The following BAALC variants were observed in gnomAD, a reference collection of about 807,000 sequenced individuals.
BAALC encodes BAALC binder of MAP3K1 and KLF4.
BAALC carries 9 observed loss-of-function variants against 15.5 expected under a neutral mutation model. The observed-to-expected ratio is 0.58, with a 90% CI of 0.35 to 1.02. The LOEUF is 1.02. BAALC is among the 50% of genes least tolerant of loss of function. The pLI is 0.02. For missense variants in BAALC, 201 were observed against 192.4 expected (o/e 1.04, Z -0.27); for synonymous variants, 80 against 74.6 (o/e 1.07, Z -0.37).
At chr8:103,149,999 A>G (rs1465308005) in intron 1 of BAALC, among the ~76,000 whole-genome samples, 1 of 152,124 alleles carries the variant, frequency 6.6e-6, no homozygotes, top group African/African-American at 2.4e-5. Flanking sequence ...CACACCTGAG[A>G]CTGGGTAATT....
chr8:103,149,381 A>T (rs528194557), intron 1 of BAALC, among the ~76,000 whole-genome samples: 19 of 152,340 alleles, frequency 1.2e-4, no homozygotes, highest in Non-Finnish European at 2.4e-4. Flanking sequence ...CAGTCACCTG[A>T]CAGGCCCATT....
At chr8:103,146,992 G>A (rs1239971522) in intron 1 of BAALC, among the ~76,000 whole-genome samples, 1 of 152,214 alleles carries the variant, frequency 6.6e-6, no homozygotes, top group Non-Finnish European at 1.5e-5. Flanking sequence ...TAGTTAGTCT[G>A]TGAGCTCTTC....
In BAALC at chr8:103,178,630, G is replaced by A. The variant is rs565077916; in HGVS notation, c.161-34289G>A. 3.4e-3 allele frequency among the ~76,000 whole-genome samples: 518 copies of A among 152,248 alleles called. 1 individual carries two copies. The highest frequency in any genetic ancestry group is 0.011 in the African/African-American group (451 of 41,558). On this transcript the variant is annotated intron_variant, in intron 1 of 2. Transcript: ENST00000309982. The stretch of plus-strand genomic sequence containing the variant: ...TCCCAGCACTTTGGGAGGCTGAGGT[G>A]GGCGGATCACAAGGTCAGAAGTTCA...
intron 1 of BAALC, among the ~76,000 whole-genome samples, chr8:103,155,504 G>T (rs1563636120): frequency 6.6e-6 from 1 of 152,186 alleles, no homozygotes; most frequent in Non-Finnish European, 1.5e-5. Context: ...GTATCGGCCA[G>T]GCGCTGGATG....
chr8:103,210,334 T>C (rs1454595716), intron 1 of BAALC, among the ~76,000 whole-genome samples: 1 of 152,236 alleles, frequency 6.6e-6, no homozygotes, highest in East Asian at 1.9e-4. Flanking sequence ...CTTTCCACTG[T>C]GACTTTCAAT....
chr8:103,153,078 G>C (rs1457020298), intron 1 of BAALC: 1 of 152,228 alleles, frequency 6.6e-6, no homozygotes, highest in African/African-American at 2.4e-5. Context: ...ATATTGACCA[G>C]GCATTGGATG....
intron 1 of BAALC, among the ~76,000 whole-genome samples, chr8:103,148,855 C>A (rs375883734): frequency 1.4e-3 from 215 of 152,344 alleles, no homozygotes; most frequent in African/African-American, 5.1e-3. Flanking sequence ...GTTACTTCCT[C>A]ACACTTTTTT....
chr8:103,150,125 T>G (rs1810952895), intron 1 of BAALC, among the ~76,000 whole-genome samples: 1 of 152,110 alleles, frequency 6.6e-6, no homozygotes, highest in Non-Finnish European at 1.5e-5. Context: ...GAAGAGAGCT[T>G]GTGCAGGGAA....
At chr8:103,172,837 A>G (rs576338797) in intron 1 of BAALC, among the ~76,000 whole-genome samples, 108 of 152,338 alleles carry the variant, frequency 7.1e-4, no homozygotes, top group African/African-American at 2.5e-3. Context: ...TTTAAAAATT[A>G]TGATTTACTT....
intron 1 of BAALC, among the ~76,000 whole-genome samples, chr8:103,160,167 CACAA>C (rs1336237709): frequency 6.6e-6 from 1 of 151,970 alleles, no homozygotes; most frequent in South Asian, 2.1e-4. Context: ...GGACAAAATG[CACAA>C]ACAAAGCAAG....
chr8:103,224,710 G>C (rs977271539), intron 2 of BAALC, among the ~76,000 whole-genome samples: 15 of 152,098 alleles, frequency 9.9e-5, no homozygotes, highest in African/African-American at 3.4e-4. Flanking sequence ...AGGGGAAAGG[G>C]GATTCTCTAT....
intron 1 of BAALC, among the ~76,000 whole-genome samples, chr8:103,167,224 A>AATGAATG (rs777229533): frequency 1.3e-5 from 2 of 152,210 alleles, no homozygotes; most frequent in Non-Finnish European, 2.9e-5. Context: ...ACCCTAAATG[A>AATGAATG]ATGAATGAAT....
intron 1 of BAALC, among the ~76,000 whole-genome samples, chr8:103,195,495 AC>A (rs1316784949): frequency 1.3e-5 from 2 of 152,174 alleles, no homozygotes; most frequent in African/African-American, 4.8e-5. Context: ...TCAGCCCTGA[AC>A]CCTGGAAAGA....
intron 1 of BAALC, among the ~76,000 whole-genome samples, chr8:103,187,564 T>C (rs1811868836): frequency 6.6e-6 from 1 of 152,104 alleles, no homozygotes; most frequent in African/African-American, 2.4e-5. Context: ...AAGCTTAGAG[T>C]GGCCCCCAGG....
chr8:103,163,444 A>G (rs908547857), intron 1 of BAALC, among the ~76,000 whole-genome samples: 1 of 152,062 alleles, frequency 6.6e-6, no homozygotes, highest in Non-Finnish European at 1.5e-5. Flanking sequence ...ACTTGCCCCA[A>G]ACCAAATTAA....
At chr8:103,149,270 G>A (rs2129863632) in intron 1 of BAALC, among the ~76,000 whole-genome samples, 1 of 152,296 alleles carries the variant, frequency 6.6e-6, no homozygotes, top group Middle Eastern at 3.4e-3. Flanking sequence ...CAGCTCTGCG[G>A]TGCTTACACT....
chr8:103,202,593 C>A (rs1812241816), intron 1 of BAALC, among the ~76,000 whole-genome samples: 1 of 152,102 alleles, frequency 6.6e-6, no homozygotes, highest in South Asian at 2.1e-4. Context: ...CAAGGAGACA[C>A]AAAGAGGAAA....
At chr8:103,152,041 C>A (rs966952429) in intron 1 of BAALC, among the ~76,000 whole-genome samples, 1 of 152,114 alleles carries the variant, frequency 6.6e-6, no homozygotes. Context: ...TCTGCCATAG[C>A]CTGCTTCCAT....
intron 1 of BAALC, among the ~76,000 whole-genome samples, chr8:103,173,516 G>A (rs547698133): frequency 3.9e-5 from 6 of 152,180 alleles, no homozygotes; most frequent in South Asian, 4.2e-4. Flanking sequence ...GCTAATAATA[G>A]ATTTTTTTCA....
Sources: gnomAD v4.1 joint callset for allele counts (sites outside exome capture counted in the v4.1 genomes callset) on GRCh38, gnomAD v4.1.1 for gene constraint, MANE v1.5 for transcripts, NCBI Gene and HGNC (gene_info 2026-07-23, HGNC 2026-07-21) for gene names.